Variants in PTPRQ observed in about 807,000 individuals in gnomAD.
PTPRQ encodes phosphatidylinositol phosphatase PTPRQ.
A neutral mutation model predicts 246.0 loss-of-function variants in PTPRQ; 199 were observed. That is an observed-to-expected ratio of 0.81 (90% CI 0.72 to 0.91). The LOEUF is 0.91. Ranked by LOEUF, PTPRQ falls within the 40% of genes least tolerant of loss-of-function variation. The pLI is 0.00. For missense variants in PTPRQ, 2,624 were observed against 2,528.4 expected, an observed-to-expected ratio of 1.04 and a Z score of -0.81; for synonymous variants, 869 against 853.2, an observed-to-expected ratio of 1.02 and a Z score of -0.32.
At chr12:80,644,524 G>A (rs1331490718) in intron 35 of PTPRQ, among the ~76,000 whole-genome samples, 1 of 151,960 alleles carries the variant, frequency 6.6e-6, no homozygotes, top group South Asian at 2.1e-4. Context: ...GAGTATGTTT[G>A]AGTATCTCCT....
At chr12:80,540,553 G>A (rs1477643499) in intron 20 of PTPRQ, among the ~76,000 whole-genome samples, 1 of 151,964 alleles carries the variant, frequency 6.6e-6, no homozygotes, top group African/African-American at 2.4e-5. Context: ...TCATCCATTT[G>A]CTTATTTTCA....
chr12:80,576,142 G>GT (rs879637101), intron 25 of PTPRQ, among the ~76,000 whole-genome samples: 53 of 151,436 alleles, frequency 3.5e-4, no homozygotes, highest in South Asian at 1.9e-3. Flanking sequence ...ACAGCCACAG[G>GT]TTTTTTTTTC....
At chr12:80,647,861 C>A (rs931951792) in intron 35 of PTPRQ, among the ~76,000 whole-genome samples, 1 of 151,786 alleles carries the variant, frequency 6.6e-6, no homozygotes, top group African/African-American at 2.4e-5. Context: ...CCCTGAGAAG[C>A]TGGAAGATAC....
rs1216626627 is a variant in PTPRQ at position 80,659,456 on chromosome 12, G to C, written c.6192+1395G>C. 2.0e-5 allele frequency among the ~76,000 whole-genome samples: 3 copies of C among 151,938 alleles called. No individual in the cohort carries two copies. The East Asian group carries it at 5.8e-4, about 29-fold the overall frequency. ...GACAAGGACAACTGGTTGTATCAGT[G>C]ACCTATTGATTTGTATCATTTTTTA... On this transcript the variant is annotated intron_variant, in intron 39 of 44. Transcript: ENST00000644991.
intron 25 of PTPRQ, 41 bp from the exon 26 acceptor site, chr12:80,588,088 G>A (rs892840205): frequency 6.8e-7 from 1 of 1,474,658 alleles, no homozygotes; most frequent in South Asian, 1.4e-5. Flanking sequence ...TGAAGTGTTT[G>A]GTAATTGTAA....
intron 3 of PTPRQ, among the ~76,000 whole-genome samples, chr12:80,452,393 T>A (rs1892795294): frequency 6.6e-6 from 1 of 152,230 alleles, no homozygotes; most frequent in African/African-American, 2.4e-5. Flanking sequence ...ATGTGTGAAT[T>A]TGATCCTGTC....
intron 3 of PTPRQ, among the ~76,000 whole-genome samples, chr12:80,447,905 A>C (rs1192975048): frequency 6.6e-6 from 1 of 151,968 alleles, no homozygotes; most frequent in Non-Finnish European, 1.5e-5. Context: ...TTTCATATGA[A>C]CTTTAGGATT....
At chr12:80,516,979 G>A (rs576404975) in intron 17 of PTPRQ, among the ~76,000 whole-genome samples, 2 of 152,026 alleles carry the variant, frequency 1.3e-5, no homozygotes, top group South Asian at 2.1e-4. Context: ...TAGATGGAGC[G>A]GTAGAGCATA....
At chr12:80,612,799 A>G (rs1898602946) in intron 28 of PTPRQ, among the ~76,000 whole-genome samples, 1 of 150,456 alleles carries the variant, frequency 6.6e-6, no homozygotes, top group Admixed American at 6.7e-5. Context: ...TTCCATGATT[A>G]AACAAACTCT....
intron 24 of PTPRQ, among the ~76,000 whole-genome samples, chr12:80,548,085 C>A (rs1176766723): frequency 2.0e-5 from 3 of 152,064 alleles, no homozygotes; most frequent in African/African-American, 7.2e-5. Context: ...AATATTTGTA[C>A]ATGAGGACAA....
At chr12:80,534,359 C>A (rs537066917) in intron 18 of PTPRQ, among the ~76,000 whole-genome samples, 184 bp downstream of exon 18, 1 of 152,068 alleles carries the variant, frequency 6.6e-6, no homozygotes, top group South Asian at 2.1e-4. Flanking sequence ...TCTCTGTGTG[C>A]CTCAATTTCC....
intron 25 of PTPRQ, among the ~76,000 whole-genome samples, chr12:80,584,554 T>C (rs1403193804): frequency 6.6e-6 from 1 of 152,186 alleles, no homozygotes; most frequent in Non-Finnish European, 1.5e-5. Context: ...TATCTATAGT[T>C]TCCTCTGACA....
chr12:80,503,341 A>C (rs1894859663), intron 14 of PTPRQ, among the ~76,000 whole-genome samples: 1 of 151,846 alleles, frequency 6.6e-6, no homozygotes, highest in African/African-American at 2.4e-5. Context: ...TAGTGGAATT[A>C]TATTGCTAAA....
intron 25 of PTPRQ, among the ~76,000 whole-genome samples, chr12:80,582,869 A>G (rs1157649588): frequency 1.3e-5 from 2 of 151,664 alleles, no homozygotes; most frequent in Non-Finnish European, 2.9e-5. Flanking sequence ...AAACAAAAAC[A>G]AAAACAAAAA....
Position 80,495,301 on chromosome 12 carries a change from T to G in PTPRQ, c.1812T>G (p.Ile604Met). The G allele has an allele frequency of 1.3e-6, 2 of 1,545,744 alleles. No homozygotes were observed. Among genetic ancestry groups the G allele is most frequent in the Non-Finnish European group, 1.7e-6 (2 of 1,145,172 alleles). Residue 604 changes from isoleucine to methionine, a missense_variant, in exon 12 of 45, where the codon ATT becomes ATG. Ile to Met is a conservative substitution (Grantham distance 10). Transcript: ENST00000644991. ...ATGGAAAAATAACTCACTATACGAT[T>G]TATGCAATGGAATTGGATACAAACA... ...YPNGKITHYT[I>M]YAMELDTNRA...
rs191046921 is a variant in PTPRQ at position 80,494,832 on chromosome 12, C to T, written c.1541-101C>T. On this transcript the variant is annotated intron_variant, in intron 10 of 44. Transcript: ENST00000644991. ...GTGTGCATGGAGAGATTAATGAATA[C>T]GGAGAAATCAGGTTTAAGATTTTAT... The T allele has an allele frequency of 7.4e-4, 914 of 1,231,208 alleles. 4 individuals carry two copies. Among genetic ancestry groups the T allele is most frequent in the East Asian group, 7.0e-3 (268 of 38,484 alleles). The allele number at this position is 1,231,208 out of a possible 1,614,324, so 76.3% of individuals were successfully genotyped here. A position where few individuals can be genotyped will look rare whatever the true frequency, so the allele number is the denominator to read the frequency against.
In PTPRQ at chr12:80,482,657, A is replaced by C. The variant is rs963766436; in HGVS notation, c.1187-1776A>C. ...AAAGGGCTAATATCCAGAATCTGCA[A>C]TGAACTCAAACAAATTTACAAGAGA... On this transcript the variant is annotated intron_variant, in intron 8 of 44. Coordinates refer to ENST00000644991, the MANE Select transcript of PTPRQ (RefSeq NM_001145026.2). Among the ~76,000 whole-genome samples the C allele has an allele frequency of 5.9e-3, 899 of 151,486 alleles. 30 individuals are homozygous for C. The highest frequency in any genetic ancestry group is 0.021 in the African/African-American group (864 of 40,826).
At chr12:80,509,251 G>C (rs1057466599) in intron 16 of PTPRQ, among the ~76,000 whole-genome samples, 1 of 151,934 alleles carries the variant, frequency 6.6e-6, no homozygotes, top group African/African-American at 2.4e-5. Context: ...GAAAATTATT[G>C]TTAGTTAAAT....
At chr12:80,648,080 T>C (rs1305800022) in intron 35 of PTPRQ, among the ~76,000 whole-genome samples, 1 of 152,164 alleles carries the variant, frequency 6.6e-6, no homozygotes, top group Admixed American at 6.5e-5. Flanking sequence ...AACCATTTTT[T>C]TTCTTTTATT....
Sources: allele counts gnomAD v4.1 joint callset (sites outside exome capture counted in the v4.1 genomes callset), GRCh38; gene constraint gnomAD v4.1.1; transcripts MANE v1.5; gene names NCBI Gene and HGNC (gene_info 2026-07-23, HGNC 2026-07-21).